The following NEMF variants were observed in gnomAD, a reference collection of about 807,000 sequenced individuals.
The protein encoded by NEMF is ribosome quality control complex subunit NEMF.
In NEMF, 89 loss-of-function variants were observed where a neutral mutation model predicts 162.2. The ratio of observed to expected loss-of-function variants is 0.55; its 90% CI spans 0.46 to 0.65. The LOEUF is 0.65. NEMF is among the 30% of genes least tolerant of loss of function. NEMF has a pLI of 0.00. For missense variants in NEMF, 1,133 were observed against 1,261.9 expected (o/e 0.90, Z 1.55); for synonymous variants, 421 against 404.5 (o/e 1.04, Z -0.49).
At chr14:49,803,391 C>T in intron 19 of NEMF, 97 bp from the exon 20 acceptor site, 1 of 736,784 alleles carries the variant, frequency 1.4e-6, no homozygotes, top group Non-Finnish European at 2.2e-6. Flanking sequence ...TCAAGTAAGC[C>T]ACACTGTCTT....
At chr14:49,805,543 C>A (rs906895958) in intron 19 of NEMF, among the ~76,000 whole-genome samples, 2 of 151,394 alleles carry the variant, frequency 1.3e-5, no homozygotes, top group African/African-American at 2.4e-5. Context: ...ACATCATTAA[C>A]CACAAAGAAG....
rs1252189191 is a variant in NEMF, at chr14:49,783,163, G to GTAAT, written c.*1469_*1472dup. The GTAAT allele has an allele frequency of 1.1e-5, 4 of 377,096 alleles. No homozygotes were observed. Among genetic ancestry groups the GTAAT allele is most frequent in the Non-Finnish European group, 1.9e-5 (4 of 214,462 alleles). The allele number at this position is 377,096 out of a possible 1,614,324, so 23.4% of individuals were successfully genotyped here. A position where few individuals can be genotyped will look rare whatever the true frequency, so the allele number is the denominator to read the frequency against. On this transcript the variant is annotated 3_prime_UTR_variant, in exon 33 of 33. Transcript: ENST00000298310. ...AGTAGCTGTCCTCTATTAAAGTAAAGTAATGGTTGGGCTTTTTACCCTGAA... is the reference window on the plus strand; with the variant it reads ...AGTAGCTGTCCTCTATTAAAGTAAAGTAATTAATGGTTGGGCTTTTTACCCTGAA...
At chr14:49,841,578 G>GAAAA (rs535773426) in intron 4 of NEMF, among the ~76,000 whole-genome samples, 1 of 73,298 alleles carries the variant, frequency 1.4e-5, no homozygotes, top group Non-Finnish European at 2.6e-5. Context: ...CTCGTCTTAA[G>GAAAA]AAAAAAAAAA....
intron 11 of NEMF, 99 bp from the exon 12 acceptor site, chr14:49,829,525 G>A (rs1472963167): frequency 5.2e-6 from 5 of 968,226 alleles, no homozygotes; most frequent in Non-Finnish European, 7.8e-6. Context: ...CCCCATCTAT[G>A]CTGTTATCTA....
intron 17 of NEMF, among the ~76,000 whole-genome samples, chr14:49,814,479 C>T (rs1361023353): frequency 6.6e-6 from 1 of 152,210 alleles, no homozygotes; most frequent in African/African-American, 2.4e-5. Context: ...ATTTGACCTA[C>T]AATAACTTTG....
rs917851476 is a variant in NEMF, at chr14:49,794,207, C to A, written c.2619+1584G>T. ...ATATTTTACTACCTCATAGGGAAAT[C>A]CCTCCTTATTTCCTTAGCTATTCTC... On this transcript the variant is annotated intron_variant, in intron 26 of 32. Coordinates refer to ENST00000298310, the MANE Select transcript of NEMF (RefSeq NM_004713.6). Among the ~76,000 whole-genome samples, 3 of 152,014 alleles carry A rather than the reference C, an allele frequency of 2.0e-5. 1 individual carries two copies. The South Asian group carries it at 6.2e-4, about 32-fold the overall frequency.
In NEMF at chr14:49,789,257, T is replaced by A; in HGVS notation, c.2784A>T (p.Lys928Asn). 6.2e-7 allele frequency: 1 copy of A among 1,614,144 alleles called. No homozygotes were observed. The highest frequency in any genetic ancestry group is 8.5e-7 in the Non-Finnish European group (1 of 1,180,014). Residue 928 changes from lysine to asparagine, a missense_variant, in exon 28 of 33, where the codon AAA (lysine) becomes AAT (asparagine). Transcript: ENST00000298310. Reference protein sequence around the residue: ...KDEPVKKQPQKPRGGQRVSDN... With the variant: ...KDEPVKKQPQNPRGGQRVSDN... ...CAGAGACCCTCTGTCCACCTCTAGG[T>A]TTCTGGGGCTGTTTCTTCACAGGTT...
At chr14:49,825,677 A>C (rs1892302222) in intron 16 of NEMF, among the ~76,000 whole-genome samples, 190 bp downstream of exon 16, 1 of 152,246 alleles carries the variant, frequency 6.6e-6, no homozygotes, top group Admixed American at 6.5e-5. Flanking sequence ...TCAATGCTAC[A>C]GTGAGCCATG....
rs774040775 is a variant in NEMF, at chr14:49,834,457, T to C, written c.575-8A>G. The C allele has an allele frequency of 2.0e-6, 3 of 1,526,430 alleles. No homozygotes were observed. 94.6% of individuals were successfully genotyped at this position (1,526,430 alleles called of 1,614,324 possible). Reference sequence around the variant, plus strand: ...TGAGAGCTGGTCCATAGGCTATAAATGCAGAGGATATTACTTTTAGTATTT... The same window carrying C: ...TGAGAGCTGGTCCATAGGCTATAAACGCAGAGGATATTACTTTTAGTATTT... On this transcript the variant is annotated splice_region_variant and splice_polypyrimidine_tract_variant and intron_variant, in intron 6 of 32. Transcript: ENST00000298310.
intron 5 of NEMF, among the ~76,000 whole-genome samples, chr14:49,839,100 CAG>C (rs1053904702): frequency 8.7e-4 from 130 of 149,572 alleles, no homozygotes; most frequent in African/African-American, 2.9e-3. Flanking sequence ...ATTTTTGAGA[CAG>C]AGTTTTGCTC....
chr14:49,782,565 A>G lies in NEMF; in HGVS notation c.*2071T>C. ...AGGCACACAGTAATGAAATACTAAT[A>G]TTTTCAGTTCAACCAAAATCTCTTG... On this transcript the variant is annotated 3_prime_UTR_variant, in exon 33 of 33. Transcript: ENST00000298310. 1 of 1,607,408 alleles carries G rather than the reference A, an allele frequency of 6.2e-7. No homozygotes were observed. Among genetic ancestry groups the G allele is most frequent in the African/African-American group, 1.3e-5 (1 of 74,782 alleles).
At chr14:49,792,508 A>G (rs1030048704) in intron 26 of NEMF, among the ~76,000 whole-genome samples, 1 of 152,196 alleles carries the variant, frequency 6.6e-6, no homozygotes, top group Non-Finnish European at 1.5e-5. Context: ...CACCGTGCCC[A>G]GCCACAATCT....
intron 20 of NEMF, 81 bp downstream of exon 20, chr14:49,803,155 TA>T: frequency 9.7e-7 from 1 of 1,032,774 alleles, no homozygotes; most frequent in Non-Finnish European, 1.5e-6. Flanking sequence ...GTTTTTGTTC[TA>T]AGAGTATTTG....
chr14:49,821,010 A>G (rs58767272), intron 16 of NEMF, among the ~76,000 whole-genome samples: 1,848 of 13,386 alleles, frequency 0.14, 426 homozygotes, highest in Non-Finnish European at 0.85. Context: ...CCATCATCTG[A>G]GATGTGGGGA....
intron 19 of NEMF, among the ~76,000 whole-genome samples, chr14:49,804,914 C>A (rs1252535530): frequency 6.6e-6 from 1 of 151,964 alleles, no homozygotes; most frequent in African/African-American, 2.4e-5. Flanking sequence ...CCTGTAGTCC[C>A]AGCTACTCAG....
intron 6 of NEMF, among the ~76,000 whole-genome samples, chr14:49,837,820 A>T (rs984985521): frequency 3.3e-5 from 5 of 151,630 alleles, no homozygotes; most frequent in African/African-American, 1.2e-4. Context: ...CCAATTAAAA[A>T]AAAAAAAAAA....
chr14:49,799,207 C>CAAAAAAAAAAAAAAAAAAAAAAAAAAAAA (rs780442972), intron 25 of NEMF, among the ~76,000 whole-genome samples: 1 of 59,062 alleles, frequency 1.7e-5, no homozygotes, highest in Non-Finnish European at 2.8e-5. Flanking sequence ...GACCCTGTTT[C>CAAAAAAAAAAAAAAAAAAAAAAAAAAAAA]AAAAAAAAAA....
intron 23 of NEMF, 87 bp from the exon 24 acceptor site, chr14:49,799,765 T>G: frequency 1.8e-6 from 2 of 1,107,748 alleles, no homozygotes; most frequent in Non-Finnish European, 2.6e-6. Flanking sequence ...ATCATACTCT[T>G]AAGTACTGGC....
chr14:49,799,359 T>C, intron 25 of NEMF, 116 bp downstream of exon 25: 1 of 815,934 alleles, frequency 1.2e-6, no homozygotes, highest in East Asian at 2.8e-5. Flanking sequence ...GTGCTAAATC[T>C]TGGTAAATTT....
Sources: gnomAD v4.1 joint callset for allele counts (sites outside exome capture counted in the v4.1 genomes callset) on GRCh38, gnomAD v4.1.1 for gene constraint, MANE v1.5 for transcripts, NCBI Gene and HGNC (gene_info 2026-07-23, HGNC 2026-07-21) for gene names.